SDK1: variants seen among roughly 807,000 people sequenced by gnomAD.
The protein encoded by SDK1 is sidekick cell adhesion molecule 1.
Under a neutral mutation model 245.5 loss-of-function variants are expected in SDK1, and 157 were observed. That is an observed-to-expected ratio of 0.64 (90% CI 0.56 to 0.73). SDK1 has a LOEUF of 0.73. Ranked by LOEUF, SDK1 falls within the 30% of genes least tolerant of loss-of-function variation. The probability of loss-of-function intolerance (pLI) is 0.00; values close to 1 mark genes in which losing one functional copy is unlikely to be tolerated. For missense variants in SDK1, 3,583 were observed against 3,002.3 expected, an observed-to-expected ratio of 1.19 and a Z score of -4.52; for synonymous variants, 1,647 against 1,278.5, an observed-to-expected ratio of 1.29 and a Z score of -6.15.
intron 35 of SDK1, among the ~76,000 whole-genome samples, chr7:4,197,610 T>G (rs1783659621): frequency 6.6e-6 from 1 of 152,220 alleles, no homozygotes; most frequent in Non-Finnish European, 1.5e-5. Flanking sequence ...CATCCGCAGC[T>G]TCTGTGATGG....
intron 7 of SDK1, among the ~76,000 whole-genome samples, chr7:3,952,870 C>G (rs1055537183): frequency 6.6e-6 from 1 of 152,090 alleles, no homozygotes; most frequent in Non-Finnish European, 1.5e-5. Flanking sequence ...AACCTATTAT[C>G]AGTTTATGAG....
At chr7:4,176,415 T>G (rs779278872) in intron 34 of SDK1, among the ~76,000 whole-genome samples, 2 of 152,218 alleles carry the variant, frequency 1.3e-5, no homozygotes, top group Non-Finnish European at 2.9e-5. Flanking sequence ...ACGATCCTCT[T>G]GTCTCAGCCT....
At chr7:3,554,925 T>C (rs1247097831) in intron 1 of SDK1, among the ~76,000 whole-genome samples, 2 of 152,108 alleles carry the variant, frequency 1.3e-5, no homozygotes, top group East Asian at 1.9e-4. Context: ...TTGCAAGAAA[T>C]TGAAGAGGAC....
chr7:3,702,294 A>T (rs1784763192), intron 4 of SDK1, among the ~76,000 whole-genome samples: 1 of 152,218 alleles, frequency 6.6e-6, no homozygotes, highest in South Asian at 2.1e-4. Flanking sequence ...AAAAAATCTA[A>T]TGCTAAAATG....
chr7:4,266,832 T>A lies in SDK1; in HGVS notation c.*1448T>A. The stretch of plus-strand genomic sequence containing the variant: ...AAGTGCCCCCTCACCAGCAGCAGCG[T>A]GACACACACAAGACTCAAGACCACC... On this transcript the variant is annotated 3_prime_UTR_variant, in exon 45 of 45. Coordinates refer to ENST00000404826, the MANE Select transcript of SDK1 (RefSeq NM_152744.4). The A allele has an allele frequency of 1.0e-6, 1 of 985,538 alleles. No homozygotes were observed. Among genetic ancestry groups the A allele is most frequent in the Non-Finnish European group, 1.2e-6 (1 of 830,038 alleles). The allele number at this position is 985,538 out of a possible 1,614,324, so 61.0% of individuals were successfully genotyped here. A position where few individuals can be genotyped will look rare whatever the true frequency, so the allele number is the denominator to read the frequency against.
At chr7:3,938,904 C>T (rs1490294306) in intron 5 of SDK1, among the ~76,000 whole-genome samples, 2 of 152,162 alleles carry the variant, frequency 1.3e-5, no homozygotes, top group Non-Finnish European at 2.9e-5. Flanking sequence ...TTGTTACCTT[C>T]CATTCATTTC....
chr7:3,333,799 A>C (rs992693249), intron 1 of SDK1, among the ~76,000 whole-genome samples: 1 of 152,192 alleles, frequency 6.6e-6, no homozygotes, highest in African/African-American at 2.4e-5. Flanking sequence ...AGGGAATTAA[A>C]TTTCTTGGTG....
At chr7:3,464,436 A>G (rs1411185020) in intron 1 of SDK1, among the ~76,000 whole-genome samples, 1 of 152,190 alleles carries the variant, frequency 6.6e-6, no homozygotes, top group East Asian at 1.9e-4. Context: ...TGGGAGGATC[A>G]TTTGAGCCGA....
At chr7:3,632,029 C>G (rs1031404079) in intron 2 of SDK1, among the ~76,000 whole-genome samples, 7 of 151,880 alleles carry the variant, frequency 4.6e-5, no homozygotes, top group African/African-American at 1.7e-4. Context: ...TATAATGGTC[C>G]CCAACTTTTA....
intron 1 of SDK1, among the ~76,000 whole-genome samples, chr7:3,352,607 T>C (rs1300185768): frequency 6.6e-6 from 1 of 152,166 alleles, no homozygotes; most frequent in Non-Finnish European, 1.5e-5. Context: ...GAAGTAGATA[T>C]TTCTGTTTCC....
chr7:3,424,368 A>AAAC (rs1352455074), intron 1 of SDK1, among the ~76,000 whole-genome samples: 3 of 152,174 alleles, frequency 2.0e-5, no homozygotes, highest in Non-Finnish European at 4.4e-5. Flanking sequence ...TTTTCTGTGG[A>AAAC]AACATATTCC....
chr7:3,755,185 T>G (rs1408495415), intron 4 of SDK1, among the ~76,000 whole-genome samples: 1 of 152,148 alleles, frequency 6.6e-6, no homozygotes, highest in East Asian at 1.9e-4. Context: ...TGGAGGCTGT[T>G]GGCCTGGGGA....
At chr7:3,921,077 G>T (rs940261199) in intron 5 of SDK1, among the ~76,000 whole-genome samples, 1 of 152,104 alleles carries the variant, frequency 6.6e-6, no homozygotes, top group Non-Finnish European at 1.5e-5. Flanking sequence ...TATTAGATGA[G>T]CAATAAGTGT....
chr7:3,975,259 G>A (rs916642060), intron 13 of SDK1, among the ~76,000 whole-genome samples: 6 of 152,042 alleles, frequency 3.9e-5, no homozygotes, highest in African/African-American at 1.2e-4. Flanking sequence ...TCAATATTCC[G>A]TGAGTGCATG....
At chr7:3,493,676 A>G (rs1408473785) in intron 1 of SDK1, among the ~76,000 whole-genome samples, 1 of 152,228 alleles carries the variant, frequency 6.6e-6, no homozygotes, top group East Asian at 1.9e-4. Flanking sequence ...AGGCCTTCTC[A>G]CTTTCAATTT....
intron 1 of SDK1, among the ~76,000 whole-genome samples, chr7:3,426,376 G>A (rs919813357): frequency 6.6e-6 from 1 of 152,212 alleles, no homozygotes; most frequent in African/African-American, 2.4e-5. Flanking sequence ...GGTTGTAGGT[G>A]TGGAGTTGGA....
intron 5 of SDK1, among the ~76,000 whole-genome samples, chr7:3,862,667 T>C (rs1780723201): frequency 6.6e-6 from 1 of 152,222 alleles, no homozygotes; most frequent in Non-Finnish European, 1.5e-5. Flanking sequence ...TCAGGCTTTT[T>C]AATACGTCAG....
chr7:4,221,049 C>G (rs923745723), intron 39 of SDK1, among the ~76,000 whole-genome samples, 190 bp from the exon 40 acceptor site: 1 of 152,146 alleles, frequency 6.6e-6, no homozygotes, highest in Non-Finnish European at 1.5e-5. Context: ...GGCTTTCAGG[C>G]GTGAGCCACC....
At chr7:3,526,577 T>G (rs184171826) in intron 1 of SDK1, among the ~76,000 whole-genome samples, 6 of 152,246 alleles carry the variant, frequency 3.9e-5, no homozygotes, top group African/African-American at 1.4e-4. Flanking sequence ...TTTTTAGTTA[T>G]GTTTTTTCTC....
Sources: gnomAD v4.1 joint callset for allele counts (sites outside exome capture counted in the v4.1 genomes callset) on GRCh38, gnomAD v4.1.1 for gene constraint, MANE v1.5 for transcripts, NCBI Gene and HGNC (gene_info 2026-07-23, HGNC 2026-07-21) for gene names.